KCNG3: variants seen among roughly 807,000 people sequenced by gnomAD.
The protein encoded by KCNG3 is potassium voltage-gated channel modifier subfamily G member 3, also known as voltage-gated potassium channel regulatory subunit KCNG3.
KCNG3 carries 15 observed loss-of-function variants against 29.0 expected under a neutral mutation model. That is an observed-to-expected ratio of 0.52 (90% confidence interval 0.35 to 0.80). KCNG3 has a LOEUF of 0.80. Among genes scored for constraint, KCNG3 ranks in the 30% least tolerant of loss-of-function variants. The pLI, the probability that KCNG3 is intolerant of heterozygous loss-of-function variation, is 0.01. For missense variants in KCNG3, 512 were observed against 605.7 expected (o/e 0.85, Z 1.62); for synonymous variants, 322 against 248.9 (o/e 1.29, Z -2.76).
intron 1 of KCNG3, among the ~76,000 whole-genome samples, chr2:42,451,570 C>T (rs1378817769): frequency 2.0e-5 from 3 of 151,856 alleles, no homozygotes; most frequent in East Asian, 1.9e-4. Context: ...ACTAAAAATA[C>T]GAAAATTAGC....
chr2:42,492,515 T>A (rs2103618904), intron 1 of KCNG3, among the ~76,000 whole-genome samples: 1 of 152,238 alleles, frequency 6.6e-6, no homozygotes, highest in African/African-American at 2.4e-5. Flanking sequence ...TTCAGAAAAA[T>A]GTAATTAGCA....
chr2:42,398,158 G>T, the KCNG3 span, among the ~76,000 whole-genome samples: 1 of 151,972 alleles, frequency 6.6e-6, no homozygotes, highest in East Asian at 1.9e-4. Flanking sequence ...AGGAGGCGGA[G>T]CTTGCAGTGA....
the KCNG3 span, among the ~76,000 whole-genome samples, chr2:42,428,428 T>C: frequency 1.6e-5 from 2 of 128,854 alleles, no homozygotes; most frequent in African/African-American, 6.0e-5. Flanking sequence ...GCCACTGCAC[T>C]CCAGTTGGGG....
At chr2:42,397,532 C>G in the KCNG3 span, among the ~76,000 whole-genome samples, 1 of 151,750 alleles carries the variant, frequency 6.6e-6, no homozygotes, top group Non-Finnish European at 1.5e-5. Flanking sequence ...TTTACATATT[C>G]AAAAATTAAA....
intron 1 of KCNG3, among the ~76,000 whole-genome samples, chr2:42,471,856 C>A (rs1240975691): frequency 2.1e-5 from 3 of 145,140 alleles, no homozygotes; most frequent in Non-Finnish European, 4.5e-5. Context: ...TGCACTCCAG[C>A]CTAAGTGACA....
rs142844815 is a variant in KCNG3, at chr2:42,452,868, G to A, written c.666-8289C>T. ...GTGATCTAGACTCACTGCAACCTGC[G>A]CCTCCAGGGTTCAAGAGATTCTCCT... On this transcript the variant is annotated intron_variant, in intron 1 of 1. Coordinates refer to ENST00000306078, the MANE Select transcript of KCNG3 (RefSeq NM_133329.6). 6.7e-3 allele frequency among the ~76,000 whole-genome samples: 1,024 copies of A among 152,186 alleles called. 15 individuals are homozygous for A. The highest frequency in any genetic ancestry group is 0.023 in the African/African-American group (947 of 41,522).
At chr2:42,394,796 T>G in the KCNG3 span, among the ~76,000 whole-genome samples, 2 of 152,216 alleles carry the variant, frequency 1.3e-5, no homozygotes, top group East Asian at 3.9e-4. Flanking sequence ...CTTTGGCACA[T>G]GTTGTCACGA....
chr2:42,450,042 C>A (rs1281329396), intron 1 of KCNG3, among the ~76,000 whole-genome samples: 2 of 152,152 alleles, frequency 1.3e-5, no homozygotes, highest in Non-Finnish European at 2.9e-5. Context: ...TTATAAGGAC[C>A]TTCCCAGCTC....
In KCNG3 at chr2:42,493,788, C is replaced by CGCTA. The variant is rs35511959; in HGVS notation, c.-288_-287insTAGC. ...CCGGCTGGGAACGCGGCTGTGTCCG[C>CGCTA]GCCGCCGACCCTCGCGCCCGAGGGC... On this transcript the variant is annotated 5_prime_UTR_variant, in exon 1 of 2. Coordinates refer to ENST00000306078, the MANE Select transcript of KCNG3 (RefSeq NM_133329.6). 1 of 275,706 alleles carries CGCTA rather than the reference C, an allele frequency of 3.6e-6. No individual in the cohort carries two copies. The highest frequency in any genetic ancestry group is 6.3e-5 in the East Asian group (1 of 15,998). The allele number at this position is 275,706 out of a possible 1,614,324, so 17.1% of individuals were successfully genotyped here.
the KCNG3 span, among the ~76,000 whole-genome samples, chr2:42,423,338 A>G: frequency 6.6e-6 from 1 of 152,182 alleles, no homozygotes; most frequent in East Asian, 1.9e-4. Flanking sequence ...ATCCTCCTTA[A>G]GCACAAACCC....
At chr2:42,395,502 A>C in the KCNG3 span, among the ~76,000 whole-genome samples, 544 of 152,188 alleles carry the variant, frequency 3.6e-3, 30 homozygotes, top group South Asian at 0.068. Flanking sequence ...ACAGGTGTGC[A>C]TTTTTACTGT....
intron 1 of KCNG3, among the ~76,000 whole-genome samples, chr2:42,459,465 T>A (rs1271690542): frequency 6.6e-6 from 1 of 152,222 alleles, no homozygotes; most frequent in Non-Finnish European, 1.5e-5. Flanking sequence ...TCTGAGTCTG[T>A]TGAGACAGGT....
At chr2:42,482,151 T>C (rs1673602892) in intron 1 of KCNG3, among the ~76,000 whole-genome samples, 1 of 152,250 alleles carries the variant, frequency 6.6e-6, no homozygotes, top group African/African-American at 2.4e-5. Context: ...GCAAGGACTT[T>C]GTTTTATTCA....
intron 1 of KCNG3, among the ~76,000 whole-genome samples, chr2:42,468,501 G>A (rs1245812985): frequency 6.6e-6 from 1 of 151,990 alleles, no homozygotes; most frequent in East Asian, 1.9e-4. Context: ...ATCAGCAATA[G>A]CAACACAAGT....
At chr2:42,461,212 C>T (rs1207069191) in intron 1 of KCNG3, among the ~76,000 whole-genome samples, 1 of 132,166 alleles carries the variant, frequency 7.6e-6, no homozygotes, top group Non-Finnish European at 1.6e-5. Flanking sequence ...AAAAGGTAGA[C>T]ATCATCTTCT....
At chr2:42,480,917 A>T (rs951584732) in intron 1 of KCNG3, among the ~76,000 whole-genome samples, 1 of 151,898 alleles carries the variant, frequency 6.6e-6, no homozygotes, top group African/African-American at 2.4e-5. Context: ...AGTAGCTGGG[A>T]TTACAGGCAT....
the KCNG3 span, among the ~76,000 whole-genome samples, chr2:42,409,473 G>A: frequency 1.3e-5 from 2 of 152,062 alleles, no homozygotes; most frequent in Non-Finnish European, 2.9e-5. Context: ...GGAGGCTGAG[G>A]CATGAGGATT....
chr2:42,446,960 G>C (rs1202564106), intron 1 of KCNG3, among the ~76,000 whole-genome samples: 1 of 151,626 alleles, frequency 6.6e-6, no homozygotes, highest in Non-Finnish European at 1.5e-5. Flanking sequence ...GGGAAACATA[G>C]TGAGGCCTCC....
the KCNG3 span, among the ~76,000 whole-genome samples, chr2:42,423,050 C>T: frequency 2.0e-5 from 3 of 152,184 alleles, no homozygotes; most frequent in Non-Finnish European, 2.9e-5. Context: ...TTCCAAAATC[C>T]TGACCATTTG....
Sources: allele counts gnomAD v4.1 joint callset (sites outside exome capture counted in the v4.1 genomes callset), GRCh38; gene constraint gnomAD v4.1.1; transcripts MANE v1.5; gene names NCBI Gene and HGNC (gene_info 2026-07-23, HGNC 2026-07-21).